Variants in FHDC1 observed in about 807,000 individuals in gnomAD.
The protein encoded by FHDC1 is FH2 domain containing 1, also known as FH2 domain-containing protein 1.
Under a neutral mutation model 52.6 loss-of-function variants are expected in FHDC1, and 25 were observed. The ratio of observed to expected loss-of-function variants is 0.48; its 90% CI spans 0.35 to 0.66. The LOEUF (loss-of-function observed/expected upper bound fraction) is 0.66. FHDC1 is among the 30% of genes least tolerant of loss of function. The probability of loss-of-function intolerance (pLI) is 0.01; values close to 1 mark genes in which losing one functional copy is unlikely to be tolerated. For missense variants in FHDC1, 1,459 were observed against 1,452.8 expected (o/e 1.00, Z -0.07); for synonymous variants, 616 against 581.5 (o/e 1.06, Z -0.85).
At chr4:152,923,138 C>A in the FHDC1 span, among the ~76,000 whole-genome samples, 4,053 of 152,264 alleles carry the variant, frequency 0.027, 96 homozygotes, top group South Asian at 0.11. Flanking sequence ...TCTCCTTAAG[C>A]TGATAAGCAA....
chr4:152,936,291 G>GC (rs1739371489), upstream of FHDC1: 1 of 152,156 alleles, frequency 6.6e-6, no homozygotes, highest in African/African-American at 2.4e-5. Flanking sequence ...GCCCCGCCCT[G>GC]CCCCCTCGCG....
chr4:152,976,112 C>T lies in FHDC1; in HGVS notation c.2821C>T (p.Arg941Cys), dbSNP rs567145547. The T allele has an allele frequency of 5.6e-6, 9 of 1,610,758 alleles. No homozygotes were observed. The highest frequency in any genetic ancestry group is 7.6e-6 in the Non-Finnish European group (9 of 1,178,984). ...PPSSTDTVWSRQNSVRRASTG... is the reference protein window; with the variant it reads ...PPSSTDTVWSCQNSVRRASTG... ...CAGCAGCACAGATACTGTGTGGTCA[C>T]GCCAGAACTCCGTGCGGAGGGCCTC... Residue 941 changes from arginine to cysteine, a missense_variant, in exon 12 of 12, where the codon CGC becomes TGC. Physicochemically the swap from Arg to Cys is radical, Grantham distance 180. Transcript: ENST00000511601.
Position 152,976,383 on chromosome 4 carries a change from G to T in FHDC1, c.3092G>T (p.Arg1031Leu). The change falls in exon 12 of 12, where the codon CGT becomes CTT. Residue 1031 changes from arginine (R) to leucine (L), a missense_variant. Arg to Leu is a moderately radical substitution (Grantham distance 102, BLOSUM62 -2). Around this residue, in one of 3 missense-constraint regions of FHDC1, gnomAD observed 939 missense variants for 854.5 expected, o/e 1.10. Coordinates refer to ENST00000511601, the MANE Select transcript of FHDC1 (RefSeq NM_001371116.1). The stretch of plus-strand genomic sequence containing the variant: ...CCCAGCGTCCCCCACGAACTACCCC[G>T]TGTCCCGAGCTTTGCCCGGAACACA... ...SVPSVPHELP[R>L]VPSFARNTVA... 3 of 1,613,754 alleles carry T rather than the reference G, an allele frequency of 1.9e-6. No individual in the cohort carries two copies. Among genetic ancestry groups the T allele is most frequent in the Non-Finnish European group, 2.5e-6 (3 of 1,180,020 alleles).
In FHDC1 at chr4:152,974,818, G is replaced by C. The variant is rs1740788381; in HGVS notation, c.1527G>C (p.Lys509Asn). 1 of 1,579,902 alleles carries C rather than the reference G, an allele frequency of 6.3e-7. No homozygotes were observed. The highest frequency in any genetic ancestry group is 1.3e-5 in the African/African-American group (1 of 74,188). Residue 509 changes from lysine (K) to asparagine (N), a missense_variant, in exon 12 of 12, where the codon AAG becomes AAC. By Grantham distance (94) the Lys-to-Asn change is moderately conservative. Around this residue, in one of 3 missense-constraint regions of FHDC1, gnomAD observed 939 missense variants for 854.5 expected, o/e 1.10. Coordinates refer to ENST00000511601, the MANE Select transcript of FHDC1 (RefSeq NM_001371116.1). ...SSENDVELLT[K>N]KGAEGLLPFL... ...AGAATGATGTGGAGCTGCTGACCAA[G>C]AAGGGTGCAGAGGGCCTGCTCCCTT...
intron 4 of FHDC1, among the ~76,000 whole-genome samples, chr4:152,959,366 C>A (rs947994185): frequency 1.2e-4 from 19 of 152,198 alleles, no homozygotes; most frequent in African/African-American, 4.6e-4. Flanking sequence ...TCCACTCTCA[C>A]CTATTTGCTT....
chr4:152,967,755 C>G (rs575968476), intron 9 of FHDC1, among the ~76,000 whole-genome samples: 1 of 152,332 alleles, frequency 6.6e-6, no homozygotes, highest in South Asian at 2.1e-4. Context: ...ATCAAGAGTA[C>G]AGTTACAACC....
rs1450503063 is a variant in FHDC1, at chr4:152,943,242, C to A, written c.185C>A (p.Pro62Gln). ...EECPSSPPPP[P>Q]PPPLPGEPPI... ...TGTCCTTCCTCCCCTCCTCCACCCC[C>A]ACCACCTCCACTTCCTGGGGAGCCT... Residue 62 changes from proline to glutamine, a missense_variant, in exon 2 of 12, where the codon CCA (proline) becomes CAA (glutamine). Transcript: ENST00000511601. 1 of 1,608,478 alleles carries A rather than the reference C, an allele frequency of 6.2e-7. No individual in the cohort carries two copies. Among genetic ancestry groups the A allele is most frequent in the South Asian group, 1.1e-5 (1 of 90,472 alleles).
chr4:152,969,961 C>T (rs981856065), intron 10 of FHDC1, among the ~76,000 whole-genome samples: 2 of 152,188 alleles, frequency 1.3e-5, no homozygotes, highest in African/African-American at 4.8e-5. Context: ...CTGCGCCAAC[C>T]CAGTCATTTT....
At chr4:152,964,631 C>G (rs115151914) in intron 8 of FHDC1, among the ~76,000 whole-genome samples, 3 of 152,200 alleles carry the variant, frequency 2.0e-5, no homozygotes, top group Non-Finnish European at 4.4e-5. Flanking sequence ...TGGATTCTTT[C>G]AGAAACAAGG....
chr4:152,925,294 A>T, the FHDC1 span, among the ~76,000 whole-genome samples: 1 of 152,184 alleles, frequency 6.6e-6, no homozygotes, highest in African/African-American at 2.4e-5. Context: ...AAATGCGTAG[A>T]TGTATTAGAC....
At chr4:152,925,887 G>A in the FHDC1 span, among the ~76,000 whole-genome samples, 1 of 151,352 alleles carries the variant, frequency 6.6e-6, no homozygotes. Context: ...AGGAGGAGGA[G>A]GAGGAGGAGG....
At chr4:152,962,678 T>C in intron 6 of FHDC1, 136 bp from the exon 7 acceptor site, 2 of 660,260 alleles carry the variant, frequency 3.0e-6, no homozygotes, top group South Asian at 3.8e-5. Flanking sequence ...ATTGCTTTGT[T>C]TGTTTTTTCC....
At chr4:152,927,636 G>C in the FHDC1 span, 1 of 1,603,774 alleles carries the variant, frequency 6.2e-7, no homozygotes, top group South Asian at 1.1e-5. Context: ...CAGAAGGACA[G>C]GAAGCAGCAG....
chr4:152,960,186 T>G (rs1345789864), intron 4 of FHDC1, among the ~76,000 whole-genome samples: 1 of 152,246 alleles, frequency 6.6e-6, no homozygotes, highest in Non-Finnish European at 1.5e-5. Context: ...AGTCTTTTAT[T>G]TCTTCTCCCA....
upstream of FHDC1, among the ~76,000 whole-genome samples, chr4:152,935,842 T>TGC (rs886619252): frequency 7.5e-6 from 1 of 133,546 alleles, no homozygotes; most frequent in East Asian, 2.4e-4. Context: ...TGTGTGTGTG[T>TGC]GTGTGCGCGC....
At chr4:152,949,402 C>T (rs774777255) in intron 2 of FHDC1, among the ~76,000 whole-genome samples, 2 of 152,038 alleles carry the variant, frequency 1.3e-5, no homozygotes, top group Admixed American at 1.3e-4. Context: ...ATTGCTTGAG[C>T]CCAGGAGTTT....
intron 10 of FHDC1, among the ~76,000 whole-genome samples, chr4:152,968,900 TATA>T (rs1319203320): frequency 1.3e-5 from 2 of 152,178 alleles, no homozygotes; most frequent in African/African-American, 2.4e-5. Context: ...TGGCATGTTT[TATA>T]ATGAGAGCAG....
At chr4:152,968,602 T>C (rs1018358463) in intron 10 of FHDC1, among the ~76,000 whole-genome samples, 3 of 152,270 alleles carry the variant, frequency 2.0e-5, no homozygotes, top group South Asian at 2.1e-4. Flanking sequence ...AGTGCTGGGA[T>C]TACAGGTGTG....
chr4:152,924,161 GAAAA>G, the FHDC1 span, among the ~76,000 whole-genome samples: 1 of 150,118 alleles, frequency 6.7e-6, no homozygotes, highest in Non-Finnish European at 1.5e-5. Context: ...AAATTTACAA[GAAAA>G]AAAAACCAAC....
Sources: gnomAD v4.1 joint callset for allele counts (sites outside exome capture counted in the v4.1 genomes callset) on GRCh38, gnomAD v4.1.1 for gene constraint, gnomAD v4.1.1 regional missense constraint, MANE v1.5 for transcripts, NCBI Gene and HGNC (gene_info 2026-07-23, HGNC 2026-07-21) for gene names.